Variants in SWT1 observed in about 807,000 individuals in gnomAD.
SWT1 encodes the protein transcriptional protein SWT1.
SWT1 carries 33 observed loss-of-function variants against 107.3 expected under a neutral mutation model. The ratio of observed to expected loss-of-function variants is 0.31; its 90% CI spans 0.23 to 0.41. The LOEUF is 0.41. SWT1 is among the 10% of genes least tolerant of loss of function. The probability of loss-of-function intolerance (pLI) is 1.00; values close to 1 mark genes in which losing one functional copy is unlikely to be tolerated. For missense variants in SWT1, 898 were observed against 1,028.9 expected (o/e 0.87, Z 1.74); for synonymous variants, 345 against 348.3 (o/e 0.99, Z 0.11).
chr1:185,181,510 G>C (rs1050377249), intron 6 of SWT1, among the ~76,000 whole-genome samples: 21 of 152,140 alleles, frequency 1.4e-4, no homozygotes, highest in African/African-American at 5.1e-4. Flanking sequence ...GAAATCTCAA[G>C]AAGAATGCTT....
At chr1:185,215,659 C>A (rs976991404) in intron 14 of SWT1, among the ~76,000 whole-genome samples, 3 of 152,104 alleles carry the variant, frequency 2.0e-5, no homozygotes, top group East Asian at 1.9e-4. Context: ...CCACGTCAGC[C>A]CCCCGAATAG....
At chr1:185,171,317 T>C (rs753590820) in intron 4 of SWT1, 4 of 207,956 alleles carry the variant, frequency 1.9e-5, no homozygotes, top group African/African-American at 2.4e-5. Context: ...GTATAAAATA[T>C]TCCACATAAG....
chr1:185,240,833 T>C (rs1486980142), intron 16 of SWT1, among the ~76,000 whole-genome samples: 1 of 152,080 alleles, frequency 6.6e-6, no homozygotes, highest in East Asian at 1.9e-4. Context: ...TGTTTTCTTA[T>C]TAAACCTCTA....
At chr1:185,263,289 A>T (rs926813964) in intron 16 of SWT1, 1 of 152,206 alleles carries the variant, frequency 6.6e-6, no homozygotes, top group Non-Finnish European at 1.5e-5. Context: ...AGTAACAAAA[A>T]AAAAAGTGCT....
At chr1:185,230,475 A>G (rs1204887015) in intron 15 of SWT1, among the ~76,000 whole-genome samples, 1 of 152,026 alleles carries the variant, frequency 6.6e-6, no homozygotes, top group Non-Finnish European at 1.5e-5. Flanking sequence ...TTTTCTTCAC[A>G]TGGAGTAGGG....
intron 11 of SWT1, among the ~76,000 whole-genome samples, chr1:185,203,934 C>T (rs1246504238): frequency 2.0e-5 from 3 of 152,034 alleles, no homozygotes; most frequent in African/African-American, 7.2e-5. Flanking sequence ...TACAGTTTTT[C>T]AAGGGTAGTG....
chr1:185,170,249 T>C lies in SWT1; in HGVS notation c.224+1851T>C, dbSNP rs76412198. ...AATTCTAAAACAGAGCAGACACTTC[T>C]GCGTTATTGTTCCAGTTTCTGAAGG... On this transcript the variant is annotated intron_variant, in intron 4 of 18. Coordinates refer to ENST00000367500, the MANE Select transcript of SWT1 (RefSeq NM_017673.7). Among the ~76,000 whole-genome samples the C allele has an allele frequency of 5.8e-3, 878 of 152,336 alleles. 37 individuals are homozygous for C. The East Asian group carries it at 0.092, about 16-fold the overall frequency.
intron 10 of SWT1, among the ~76,000 whole-genome samples, chr1:185,193,764 C>G (rs563258423): frequency 6.6e-6 from 1 of 152,212 alleles, no homozygotes; most frequent in Non-Finnish European, 1.5e-5. Flanking sequence ...CTTGCCAAGG[C>G]TGGTTGCCTA....
intron 1 of SWT1, chr1:185,157,734 G>T (rs3806243): frequency 0.049 from 7,504 of 152,678 alleles, 233 homozygotes; most frequent in East Asian, 0.11. Flanking sequence ...CAGTTCTGCG[G>T]TGTGGCCAGT....
intron 10 of SWT1, among the ~76,000 whole-genome samples, chr1:185,197,015 A>G (rs1657450471): frequency 6.6e-6 from 1 of 152,156 alleles, no homozygotes; most frequent in South Asian, 2.1e-4. Flanking sequence ...GAGAGAGGGC[A>G]TCCTTGTTTT....
At chr1:185,270,873 G>T (rs1663807809) in intron 16 of SWT1, among the ~76,000 whole-genome samples, 1 of 152,082 alleles carries the variant, frequency 6.6e-6, no homozygotes, top group South Asian at 2.1e-4. Flanking sequence ...TCTTTTATTA[G>T]GATATCTTTT....
At position 185,251,657 on chromosome 1, in the gene SWT1, C is replaced by T. The variant is rs554064790; in HGVS notation, c.2442-19666C>T. On this transcript the variant is annotated intron_variant, in intron 16 of 18. Transcript: ENST00000367500. ...TTGTCATATATTAATACTGCTAGAC[C>T]AGCTTTTTGTTGTTATTAGTATTTT... 3.1e-4 allele frequency among the ~76,000 whole-genome samples: 47 copies of T among 151,986 alleles called. No homozygotes were observed. In the South Asian group the frequency reaches 9.7e-3, roughly 32 times the overall value.
chr1:185,197,315 A>G (rs1235604983), intron 10 of SWT1, among the ~76,000 whole-genome samples: 1 of 152,190 alleles, frequency 6.6e-6, no homozygotes, highest in Non-Finnish European at 1.5e-5. Flanking sequence ...GATGAAGCTG[A>G]CTTGATCATG....
At chr1:185,170,301 CAA>C (rs1361337697) in intron 4 of SWT1, among the ~76,000 whole-genome samples, 1 of 152,220 alleles carries the variant, frequency 6.6e-6, no homozygotes, top group Non-Finnish European at 1.5e-5. Context: ...GGGTCTCTTT[CAA>C]AGTCACTGGC....
intron 18 of SWT1, among the ~76,000 whole-genome samples, chr1:185,278,685 G>A (rs1664413771): frequency 6.6e-6 from 1 of 152,128 alleles, no homozygotes; most frequent in Admixed American, 6.5e-5. Flanking sequence ...ATGTGCATTC[G>A]TAAATGTCGC....
intron 16 of SWT1, among the ~76,000 whole-genome samples, chr1:185,250,783 C>T (rs534327485): frequency 4.6e-5 from 7 of 152,258 alleles, no homozygotes; most frequent in Non-Finnish European, 1.0e-4. Context: ...CTTTCTCAGC[C>T]TCCCAAGTAG....
At chr1:185,187,666 TAAGCTG>T (rs1293385097) in intron 9 of SWT1, among the ~76,000 whole-genome samples, 1 of 152,122 alleles carries the variant, frequency 6.6e-6, no homozygotes, top group Admixed American at 6.6e-5. Context: ...AGGTGCCATT[TAAGCTG>T]AATCTTTTTA....
At chr1:185,188,715 G>A (rs540218075) in intron 9 of SWT1, among the ~76,000 whole-genome samples, 1 of 152,298 alleles carries the variant, frequency 6.6e-6, no homozygotes, top group African/African-American at 2.4e-5. Flanking sequence ...CAGAAGTTGA[G>A]AGAAAAATGA....
At chr1:185,171,656 A>G (rs1571406242) in intron 4 of SWT1, 1 of 517,872 alleles carries the variant, frequency 1.9e-6, no homozygotes, top group Non-Finnish European at 3.7e-6. Flanking sequence ...GAACTTCAGA[A>G]CCTGCTTCTT....
Sources: allele counts gnomAD v4.1 joint callset (sites outside exome capture counted in the v4.1 genomes callset), GRCh38; gene constraint gnomAD v4.1.1; transcripts MANE v1.5; gene names NCBI Gene and HGNC (gene_info 2026-07-23, HGNC 2026-07-21).